Variants in EPHA5 observed in about 807,000 individuals in gnomAD.
EPHA5 encodes the protein ephrin type-A receptor 5.
Under a neutral mutation model 105.0 loss-of-function variants are expected in EPHA5, and 60 were observed. That is an observed-to-expected ratio of 0.57 (90% CI 0.46 to 0.71). EPHA5 has a LOEUF of 0.71. EPHA5 is among the 30% of genes least tolerant of loss of function. EPHA5 has a pLI of 0.00. For missense variants in EPHA5, 1,218 were observed against 1,274.7 expected, an observed-to-expected ratio of 0.96 and a Z score of 0.68; for synonymous variants, 513 against 449.1, an observed-to-expected ratio of 1.14 and a Z score of -1.80.
intron 5 of EPHA5, among the ~76,000 whole-genome samples, chr4:65,449,316 A>C (rs1385470015): frequency 6.6e-6 from 1 of 152,148 alleles, no homozygotes; most frequent in Non-Finnish European, 1.5e-5. Flanking sequence ...AATATGATAA[A>C]AGCAAGCATT....
intron 2 of EPHA5, among the ~76,000 whole-genome samples, chr4:65,608,881 T>C (rs1376209253): frequency 6.6e-6 from 1 of 152,198 alleles, no homozygotes; most frequent in Non-Finnish European, 1.5e-5. Context: ...AATTATTTTT[T>C]CTCTTTTTTA....
intron 3 of EPHA5, among the ~76,000 whole-genome samples, chr4:65,551,292 AT>A (rs1488951394): frequency 3.3e-5 from 5 of 150,536 alleles, no homozygotes; most frequent in Admixed American, 2.7e-4. Context: ...ATATATATAT[AT>A]ATATATATGG....
chr4:65,518,865 C>G (rs1000731423), intron 3 of EPHA5, among the ~76,000 whole-genome samples: 1 of 152,126 alleles, frequency 6.6e-6, no homozygotes, highest in African/African-American at 2.4e-5. Flanking sequence ...GACAGATTCA[C>G]AGCAGAATTC....
In EPHA5 at chr4:65,468,584, AAT is replaced by A. The variant is rs1560571631; in HGVS notation, c.1402+21791_1402+21792del. Reference sequence around the variant, plus strand: ...TTATATATTATATATATATATGTAAAATATATATAATATATATATTATATATA... The same window carrying A: ...TTATATATTATATATATATATGTAAAATATATAATATATATATTATATATA... On this transcript the variant is annotated intron_variant, in intron 5 of 16. Transcript: ENST00000613740. 8.7e-4 allele frequency among the ~76,000 whole-genome samples: 21 copies of A among 24,094 alleles called. No individual in the cohort carries two copies. The South Asian group carries it at 0.022, about 25-fold the overall frequency. 15.8% of individuals were successfully genotyped at this position (24,094 alleles called of 152,430 possible). A position where few individuals can be genotyped will look rare whatever the true frequency, so the allele number is the denominator to read the frequency against.
intron 2 of EPHA5, among the ~76,000 whole-genome samples, chr4:65,628,444 G>T (rs1746340165): frequency 6.6e-6 from 1 of 152,074 alleles, no homozygotes; most frequent in Admixed American, 6.6e-5. Flanking sequence ...AACCTTCCAG[G>T]ATAATGGCAT....
rs149552504 is a variant in EPHA5, at chr4:65,432,211, G to C, written c.1403-11646C>G. On this transcript the variant is annotated intron_variant, in intron 5 of 16. Transcript: ENST00000613740. ...TAACCAATTCTTGTAAATTCAAGGAGGAATTGAGGCAAGTGAAAATTGCTA... is the reference window on the plus strand; with the variant it reads ...TAACCAATTCTTGTAAATTCAAGGACGAATTGAGGCAAGTGAAAATTGCTA... Among the ~76,000 whole-genome samples the C allele has an allele frequency of 5.3e-4, 81 of 152,242 alleles. 3 individuals carry two copies. The East Asian group carries it at 0.013, about 25-fold the overall frequency.
At chr4:65,362,024 T>C (rs1901264) in intron 11 of EPHA5, among the ~76,000 whole-genome samples, 21,941 of 151,638 alleles carry the variant, frequency 0.14, 2,043 homozygotes, top group African/African-American at 0.27. Flanking sequence ...CACTAAAGTG[T>C]CTTGCATTTC....
rs1358895125 is a variant in EPHA5 at position 65,505,933 on chromosome 4, T to C, written c.911-10390A>G. Among the ~76,000 whole-genome samples the C allele has an allele frequency of 4.6e-5, 7 of 152,220 alleles. No homozygotes were observed. The South Asian group carries it at 1.2e-3, about 27-fold the overall frequency. On this transcript the variant is annotated intron_variant, in intron 3 of 16. Coordinates refer to ENST00000613740, the MANE Select transcript of EPHA5 (RefSeq NM_001281766.3). The stretch of plus-strand genomic sequence containing the variant: ...GTTACATATGTATACATGTGCCATG[T>C]TGGTGTGCTACACCCATTGACTCGT...
chr4:65,401,909 G>C (rs1438788572), intron 8 of EPHA5, among the ~76,000 whole-genome samples: 3 of 101,452 alleles, frequency 3.0e-5, no homozygotes, highest in Non-Finnish European at 6.2e-5. Context: ...GTGTGTGAGA[G>C]AGAGAGAGAG....
At chr4:65,417,677 T>C (rs911054424) in intron 6 of EPHA5, among the ~76,000 whole-genome samples, 2 of 152,018 alleles carry the variant, frequency 1.3e-5, no homozygotes, top group African/African-American at 4.8e-5. Context: ...AGCATTAAAT[T>C]TGAACTATTA....
intron 5 of EPHA5, among the ~76,000 whole-genome samples, chr4:65,473,859 A>G (rs1277804720): frequency 2.1e-5 from 3 of 145,808 alleles, no homozygotes; most frequent in African/African-American, 7.6e-5. Context: ...AGTAGTCCTC[A>G]TTACTCTTTC....
intron 3 of EPHA5, among the ~76,000 whole-genome samples, chr4:65,521,580 T>G (rs1353630405): frequency 6.6e-6 from 1 of 151,990 alleles, no homozygotes. Flanking sequence ...ATAATTTAGA[T>G]CCTACTATGC....
At chr4:65,640,275 GTTTTTTCTTT>G (rs748007433) in intron 2 of EPHA5, among the ~76,000 whole-genome samples, 3 of 130,192 alleles carry the variant, frequency 2.3e-5, no homozygotes, top group Admixed American at 8.7e-5. Flanking sequence ...TCATTGCTCA[GTTTTTTCTTT>G]TTTTTTTTTT....
Position 65,336,229 on chromosome 4 carries a change from T to G in EPHA5, c.2596-104A>C, listed in dbSNP as rs1721173205. 1.2e-5 allele frequency: 10 copies of G among 840,404 alleles called. 2 individuals are homozygous for G. The South Asian group carries it at 2.8e-4, about 24-fold the overall frequency. The allele number at this position is 840,404 out of a possible 1,614,324, so 52.1% of individuals were successfully genotyped here. On this transcript the variant is annotated intron_variant, in intron 14 of 16. Coordinates refer to ENST00000613740, the MANE Select transcript of EPHA5 (RefSeq NM_001281766.3). Reference sequence around the variant, plus strand: ...AACTTTTATCCTTTCTTATCCTTACTCTTGCAATAACAACTAGCATTACTG... The same window carrying G: ...AACTTTTATCCTTTCTTATCCTTACGCTTGCAATAACAACTAGCATTACTG...
intron 14 of EPHA5, among the ~76,000 whole-genome samples, chr4:65,346,457 A>T (rs1199281631): frequency 3.3e-5 from 5 of 151,212 alleles, no homozygotes; most frequent in Non-Finnish European, 5.9e-5. Flanking sequence ...CTATTATTTT[A>T]TATTCTGATT....
intron 11 of EPHA5, among the ~76,000 whole-genome samples, chr4:65,364,773 G>C (rs187370342): frequency 6.6e-6 from 1 of 151,476 alleles, no homozygotes; most frequent in Admixed American, 6.6e-5. Flanking sequence ...CTTTTATCTG[G>C]ATACATTTTT....
At chr4:65,568,369 C>T (rs1282669056) in intron 3 of EPHA5, among the ~76,000 whole-genome samples, 1 of 151,134 alleles carries the variant, frequency 6.6e-6, no homozygotes, top group Non-Finnish European at 1.5e-5. Flanking sequence ...TTAACTATTT[C>T]AAATAATCAA....
At chr4:65,378,970 A>G (rs1270458794) in intron 8 of EPHA5, among the ~76,000 whole-genome samples, 2 of 151,882 alleles carry the variant, frequency 1.3e-5, no homozygotes, top group African/African-American at 4.8e-5. Flanking sequence ...AAAAAAATGA[A>G]CAATTACTGG....
intron 2 of EPHA5, among the ~76,000 whole-genome samples, chr4:65,633,807 C>T (rs955565421): frequency 1.3e-5 from 2 of 151,836 alleles, no homozygotes; most frequent in Non-Finnish European, 2.9e-5. Context: ...ATAAATGCCC[C>T]GAAACTCTTT....
Sources: allele counts gnomAD v4.1 joint callset (sites outside exome capture counted in the v4.1 genomes callset), GRCh38; gene constraint gnomAD v4.1.1; transcripts MANE v1.5; gene names NCBI Gene and HGNC (gene_info 2026-07-23, HGNC 2026-07-21).